Variants in MACROD2 observed in about 807,000 individuals in gnomAD.
MACROD2 encodes mono-ADP ribosylhydrolase 2, also known as ADP-ribose glycohydrolase MACROD2.
In MACROD2, 36 loss-of-function variants were observed where a neutral mutation model predicts 70.4. The ratio of observed to expected loss-of-function variants is 0.51; its 90% confidence interval spans 0.39 to 0.68. MACROD2 has a LOEUF of 0.68. Ranked by LOEUF, MACROD2 falls within the 30% of genes least tolerant of loss-of-function variation. MACROD2 has a pLI of 0.00. For missense variants in MACROD2, 496 were observed against 538.4 expected (o/e 0.92, Z 0.78); for synonymous variants, 172 against 178.8 (o/e 0.96, Z 0.30).
At chr20:15,616,222 G>A (rs1408848426) in intron 8 of MACROD2, among the ~76,000 whole-genome samples, 1 of 150,714 alleles carries the variant, frequency 6.6e-6, no homozygotes, top group African/African-American at 2.4e-5. Context: ...TCGTGCCTCA[G>A]CCTCCCTAGT....
chr20:14,580,940 G>C (rs897822021), intron 4 of MACROD2, among the ~76,000 whole-genome samples: 1 of 152,126 alleles, frequency 6.6e-6, no homozygotes, highest in African/African-American at 2.4e-5. Flanking sequence ...TATCTCTGAA[G>C]AACACATTTG....
At chr20:15,668,350 C>T (rs936619019) in intron 8 of MACROD2, among the ~76,000 whole-genome samples, 1 of 151,928 alleles carries the variant, frequency 6.6e-6, no homozygotes, top group African/African-American at 2.4e-5. Context: ...GGCAGATCAC[C>T]TGAGGTCGGG....
chr20:15,749,213 G>C (rs2051231561), intron 8 of MACROD2, among the ~76,000 whole-genome samples: 1 of 152,078 alleles, frequency 6.6e-6, no homozygotes, highest in South Asian at 2.1e-4. Context: ...CTAGCATAGA[G>C]TAAGTACTTA....
chr20:14,970,635 T>A (rs183043), intron 5 of MACROD2, among the ~76,000 whole-genome samples: 30,996 of 152,122 alleles, frequency 0.2, 4,060 homozygotes, highest in African/African-American at 0.34. Flanking sequence ...TTAAATTTTT[T>A]AAAAAATTTA....
intron 8 of MACROD2, among the ~76,000 whole-genome samples, chr20:15,564,285 C>G (rs777826751): frequency 6.6e-6 from 1 of 152,158 alleles, no homozygotes; most frequent in African/African-American, 2.4e-5. Flanking sequence ...TGCTACCCGA[C>G]GTAACACTGG....
intron 8 of MACROD2, among the ~76,000 whole-genome samples, chr20:15,811,692 A>G (rs1038133222): frequency 1.3e-5 from 2 of 151,748 alleles, no homozygotes; most frequent in East Asian, 3.9e-4. Flanking sequence ...GGCTGACTGG[A>G]TGGGTGAATG....
chr20:15,343,587 A>C (rs1226498292), intron 6 of MACROD2, among the ~76,000 whole-genome samples: 3 of 152,186 alleles, frequency 2.0e-5, no homozygotes, highest in Admixed American at 6.6e-5. Flanking sequence ...AGACCAATGG[A>C]AGTAAATAAT....
chr20:15,258,985 A>G (rs542393425), intron 6 of MACROD2, among the ~76,000 whole-genome samples: 4 of 152,136 alleles, frequency 2.6e-5, no homozygotes, highest in Admixed American at 6.6e-5. Context: ...CTAGATATAA[A>G]TAATTATTTT....
At chr20:14,615,249 G>A (rs371279163) in intron 4 of MACROD2, among the ~76,000 whole-genome samples, 4 of 152,036 alleles carry the variant, frequency 2.6e-5, no homozygotes, top group East Asian at 3.9e-4. Context: ...TTTAGCAGAA[G>A]CAATTCCCAG....
chr20:15,021,070 ATGTG>A (rs1197430220), intron 5 of MACROD2, among the ~76,000 whole-genome samples: 1 of 141,206 alleles, frequency 7.1e-6, no homozygotes, highest in African/African-American at 2.6e-5. Flanking sequence ...ATGTATACAC[ATGTG>A]TGTATGTGTA....
At chr20:14,120,027 G>A (rs2054565166) in intron 3 of MACROD2, among the ~76,000 whole-genome samples, 1 of 151,776 alleles carries the variant, frequency 6.6e-6, no homozygotes, top group South Asian at 2.1e-4. Flanking sequence ...TGGGCAACAT[G>A]GTGAAACCCC....
chr20:14,788,312 C>T (rs994927893), intron 5 of MACROD2, among the ~76,000 whole-genome samples: 30 of 151,950 alleles, frequency 2.0e-4, no homozygotes, highest in Non-Finnish European at 4.4e-5. Context: ...TGGCCCGGTG[C>T]GGTGGCTCAC....
At chr20:14,690,736 A>T (rs915895009) in intron 5 of MACROD2, among the ~76,000 whole-genome samples, 1 of 152,148 alleles carries the variant, frequency 6.6e-6, no homozygotes, top group African/African-American at 2.4e-5. Context: ...TTATAGATAA[A>T]GCTTTATTAG....
intron 4 of MACROD2, among the ~76,000 whole-genome samples, chr20:14,678,041 G>A (rs1326468310): frequency 1.3e-5 from 2 of 152,120 alleles, no homozygotes; most frequent in African/African-American, 2.4e-5. Context: ...CATAATAAAG[G>A]TTTATCACCT....
chr20:14,599,556 A>G (rs1982350784), intron 4 of MACROD2, among the ~76,000 whole-genome samples: 1 of 152,006 alleles, frequency 6.6e-6, no homozygotes, highest in African/African-American at 2.4e-5. Flanking sequence ...ATAGGTAGAG[A>G]CTGGATTGAG....
At chr20:15,229,871 G>T in intron 5 of MACROD2, 69 bp from the exon 6 acceptor site, 1 of 1,464,298 alleles carries the variant, frequency 6.8e-7, no homozygotes. Context: ...AATAAATAAA[G>T]TATTAATTAT....
At chr20:15,268,418 G>A (rs969839659) in intron 6 of MACROD2, among the ~76,000 whole-genome samples, 14 of 152,268 alleles carry the variant, frequency 9.2e-5, no homozygotes, top group African/African-American at 3.4e-4. Context: ...TTGGGAGGCC[G>A]AGGTGGGTGG....
At chr20:14,519,225 G>T (rs1262749530) in intron 4 of MACROD2, among the ~76,000 whole-genome samples, 13 of 152,014 alleles carry the variant, frequency 8.6e-5, no homozygotes, top group Non-Finnish European at 2.9e-5. Flanking sequence ...GGGACAAGGA[G>T]ACCTTTCTTA....
At chr20:14,673,920 CAAAA>C (rs1175764543) in intron 4 of MACROD2, among the ~76,000 whole-genome samples, 2 of 50,988 alleles carry the variant, frequency 3.9e-5, no homozygotes, top group Non-Finnish European at 4.5e-5. Context: ...AACTCCATCT[CAAAA>C]AAAAAAAAAA....
Sources: gnomAD v4.1 joint callset for allele counts (sites outside exome capture counted in the v4.1 genomes callset) on GRCh38, gnomAD v4.1.1 for gene constraint, MANE v1.5 for transcripts, NCBI Gene and HGNC (gene_info 2026-07-23, HGNC 2026-07-21) for gene names.